ZNF503: variants seen among roughly 807,000 people sequenced by gnomAD.
ZNF503 encodes zinc finger protein 503.
A neutral mutation model predicts 34.4 loss-of-function variants in ZNF503; 15 were observed. That is an observed-to-expected ratio of 0.44 (90% CI 0.29 to 0.67). The LOEUF (loss-of-function observed/expected upper bound fraction) is 0.67, where lower values mean the gene tolerates loss of function less well. Among genes scored for constraint, ZNF503 ranks in the 30% least tolerant of loss-of-function variants. ZNF503 has a pLI of 0.13. For missense variants in ZNF503, 1,007 were observed against 926.8 expected (o/e 1.09, Z -1.12); for synonymous variants, 580 against 456.8 (o/e 1.27, Z -3.44).
At chr10:75,380,503 T>C in the ZNF503 span, among the ~76,000 whole-genome samples, 6 of 152,228 alleles carry the variant, frequency 3.9e-5, no homozygotes, top group Admixed American at 6.5e-5. Flanking sequence ...ATTTTCAGGA[T>C]TTTTGCTTCT....
At chr10:75,339,382 A>G in the ZNF503 span, among the ~76,000 whole-genome samples, 3 of 152,206 alleles carry the variant, frequency 2.0e-5, no homozygotes, top group African/African-American at 7.2e-5. Flanking sequence ...AGGCATTCAG[A>G]TGGCCAAAGG....
chr10:75,341,620 A>T, the ZNF503 span, among the ~76,000 whole-genome samples: 1 of 152,238 alleles, frequency 6.6e-6, no homozygotes, highest in Non-Finnish European at 1.5e-5. Context: ...AATTCTAATT[A>T]CTTAGCAAAA....
At chr10:75,396,005 T>C (rs1843692259), downstream of ZNF503, among the ~76,000 whole-genome samples, 1 of 152,110 alleles carries the variant, frequency 6.6e-6, no homozygotes, top group African/African-American at 2.4e-5. The surrounding 1 kb of genome is among the most constrained non-coding windows in gnomAD (Gnocchi z 4.4). Flanking sequence ...AGGCACAGCC[T>C]GTGGGTCGCA....
the ZNF503 span, among the ~76,000 whole-genome samples, chr10:75,287,302 C>T: frequency 6.6e-6 from 1 of 152,104 alleles, no homozygotes; most frequent in South Asian, 2.1e-4. Context: ...TATCACGTCT[C>T]TCCCCACTAC....
At chr10:75,381,667 C>T in the ZNF503 span, among the ~76,000 whole-genome samples, 1 of 152,210 alleles carries the variant, frequency 6.6e-6, no homozygotes, top group Middle Eastern at 3.4e-3. Context: ...CTTTGAGTCT[C>T]TGATAACTTC....
At chr10:75,365,712 G>A in the ZNF503 span, among the ~76,000 whole-genome samples, 103,781 of 152,114 alleles carry the variant, frequency 0.68, 36,587 homozygotes, top group African/African-American at 0.86. Context: ...GAATGGGGTT[G>A]GTAATATTAC....
the ZNF503 span, among the ~76,000 whole-genome samples, chr10:75,379,069 TC>T: frequency 6.6e-6 from 1 of 152,166 alleles, no homozygotes; most frequent in Non-Finnish European, 1.5e-5. Flanking sequence ...GTGTTTGTCC[TC>T]CCGTTCCTAT....
chr10:75,401,666 G>C lies in ZNF503; in HGVS notation c.-247C>G, dbSNP rs1329029587. 2 of 499,588 alleles carry C rather than the reference G, an allele frequency of 4.0e-6. No homozygotes were observed. Among genetic ancestry groups the C allele is most frequent in the Non-Finnish European group, 6.9e-6 (2 of 289,768 alleles). The allele number at this position is 499,588 out of a possible 1,614,324, so 30.9% of individuals were successfully genotyped here. On this transcript the variant is annotated 5_prime_UTR_variant, in exon 1 of 2. Transcript: ENST00000372524. ...ACTGCGGGAGTGCCGGGCGGCTCGC[G>C]GTGTCCGCCTCGGGCTGCTCCCCTG...
chr10:75,349,832 ATGTT>A, the ZNF503 span, among the ~76,000 whole-genome samples: 46 of 152,344 alleles, frequency 3.0e-4, no homozygotes, highest in Admixed American at 7.2e-4. Context: ...AAAAAAATGA[ATGTT>A]TGTTCTGTGG....
the ZNF503 span, among the ~76,000 whole-genome samples, chr10:75,391,980 T>A: frequency 6.6e-6 from 1 of 152,090 alleles, no homozygotes; most frequent in Non-Finnish European, 1.5e-5. Flanking sequence ...TTAAATCCGA[T>A]AAAAAGGGCC....
At chr10:75,294,193 AG>A in the ZNF503 span, among the ~76,000 whole-genome samples, 9 of 152,342 alleles carry the variant, frequency 5.9e-5, no homozygotes, top group African/African-American at 2.2e-4. Flanking sequence ...TTCCTGGTGG[AG>A]GAAAAGGAGG....
At position 75,401,054 on chromosome 10, in the gene ZNF503, G is replaced by A. The variant is rs533081943; in HGVS notation, c.315+51C>T. 3.1e-6 allele frequency: 5 copies of A among 1,611,776 alleles called. No individual in the cohort carries two copies. The East Asian group carries it at 8.9e-5, about 29-fold the overall frequency. ...GATCCCGAGAAAAAGAAAGCCCTAG[G>A]GTGGCAGCCAGGGTAGTGGTCCCAG... On this transcript the variant is annotated intron_variant, in intron 1 of 1. Transcript: ENST00000372524.
the ZNF503 span, among the ~76,000 whole-genome samples, chr10:75,390,885 C>G: frequency 6.6e-6 from 1 of 152,218 alleles, no homozygotes; most frequent in Non-Finnish European, 1.5e-5. Context: ...GATCAAGGTG[C>G]TGGCTGATTC....
Position 75,400,355 on chromosome 10 carries a change from G to T in ZNF503, c.335C>A (p.Pro112Gln), listed in dbSNP as rs1170506979. Residue 112 changes from proline to glutamine, a missense_variant, in exon 2 of 2, where the codon CCG (proline) becomes CAG (glutamine). Pro to Gln is a moderately conservative substitution (Grantham distance 76). Coordinates refer to ENST00000372524, the MANE Select transcript of ZNF503 (RefSeq NM_032772.6). Reference protein sequence around the residue: ...SPIELDAKKSPLALLAQTCSQ... With the variant: ...SPIELDAKKSQLALLAQTCSQ... ...ACATGTTTGCGCCAACAGCGCCAGC[G>T]GGCTCTTCTTGGCATCGAGCTGCGG... is the stretch of plus-strand genomic sequence containing the variant. 6.2e-7 allele frequency: 1 copy of T among 1,609,682 alleles called. No homozygotes were observed. Among genetic ancestry groups the T allele is most frequent in the Non-Finnish European group, 8.5e-7 (1 of 1,177,538 alleles).
At chr10:75,392,351 G>T in the ZNF503 span, among the ~76,000 whole-genome samples, 1 of 152,222 alleles carries the variant, frequency 6.6e-6, no homozygotes, top group African/African-American at 2.4e-5. Context: ...AAACCCAAGT[G>T]TCCTGGTCCC....
At chr10:75,287,172 G>A in the ZNF503 span, among the ~76,000 whole-genome samples, 1 of 152,076 alleles carries the variant, frequency 6.6e-6, no homozygotes, top group African/African-American at 2.4e-5. Flanking sequence ...TAGCAGGAGG[G>A]GATCCTGGTC....
At chr10:75,382,835 G>A in the ZNF503 span, 1 of 270,648 alleles carries the variant, frequency 3.7e-6, no homozygotes, top group South Asian at 5.5e-5. Context: ...TTGGAGAATG[G>A]AATCGACATC....
the ZNF503 span, among the ~76,000 whole-genome samples, chr10:75,281,556 C>T: frequency 6.6e-6 from 1 of 152,140 alleles, no homozygotes; most frequent in Non-Finnish European, 1.5e-5. Context: ...CTCTGTCATG[C>T]CCCAGCTGCA....
chr10:75,315,272 G>T, the ZNF503 span, among the ~76,000 whole-genome samples: 3 of 152,230 alleles, frequency 2.0e-5, no homozygotes, highest in African/African-American at 4.8e-5. Flanking sequence ...AAGTGGGAGG[G>T]TTGCTTGAGC....
Sources: allele counts gnomAD v4.1 joint callset (sites outside exome capture counted in the v4.1 genomes callset), GRCh38; gene constraint gnomAD v4.1.1; non-coding constraint Gnocchi (gnomAD v3.1); transcripts MANE v1.5; gene names NCBI Gene and HGNC (gene_info 2026-07-23, HGNC 2026-07-21).